Variants in WDR7 observed in about 807,000 individuals in gnomAD.
WDR7 encodes WD repeat-containing protein 7.
A neutral mutation model predicts 169.4 loss-of-function variants in WDR7; 46 were observed. The ratio of observed to expected loss-of-function variants is 0.27; its 90% CI spans 0.21 to 0.35. The LOEUF (loss-of-function observed/expected upper bound fraction) is 0.35. WDR7 is among the 10% of genes least tolerant of loss of function. The pLI is 1.00. For synonymous variants in WDR7, 612 were observed against 666.8 expected (o/e 0.92, Z 1.27); for missense variants, 1,534 against 1,859.3 (o/e 0.83, Z 3.22).
intron 20 of WDR7, 67 bp downstream of exon 20, chr18:56,816,211 A>G (rs946233975): frequency 7.2e-7 from 1 of 1,381,842 alleles, no homozygotes; most frequent in Non-Finnish European, 9.9e-7. Context: ...TTTCTAGGTT[A>G]TTTGTGGTGG....
At chr18:56,785,006 G>A (rs957909052) in intron 19 of WDR7, among the ~76,000 whole-genome samples, 3 of 151,336 alleles carry the variant, frequency 2.0e-5, no homozygotes, top group African/African-American at 7.3e-5. Flanking sequence ...AATCTTTTCT[G>A]GAACTTCTAC....
intron 25 of WDR7, among the ~76,000 whole-genome samples, chr18:56,952,630 G>C (rs1185966086): frequency 1.3e-5 from 2 of 152,126 alleles, no homozygotes; most frequent in African/African-American, 4.8e-5. Flanking sequence ...TTCCTATTTT[G>C]TTTAATGCTA....
At chr18:56,879,123 C>G (rs2046069348) in intron 20 of WDR7, among the ~76,000 whole-genome samples, 1 of 152,130 alleles carries the variant, frequency 6.6e-6, no homozygotes, top group South Asian at 2.1e-4. Context: ...TGTGTCATTT[C>G]TGTTTGGGAG....
chr18:56,682,981 A>G (rs902533782), intron 5 of WDR7, 128 bp downstream of exon 5: 10 of 995,858 alleles, frequency 1.0e-5, no homozygotes, highest in Admixed American at 2.6e-5. Flanking sequence ...TAACTACACC[A>G]ATAATTTATG....
In WDR7 at chr18:56,933,683, C is replaced by T. The variant is rs116315628; in HGVS notation, c.3714-2105C>T. Among the ~76,000 whole-genome samples the T allele has an allele frequency of 8.2e-3, 1,254 of 152,344 alleles. 18 individuals are homozygous for T. The highest frequency in any genetic ancestry group is 0.029 in the African/African-American group (1,195 of 41,580). On this transcript the variant is annotated intron_variant, in intron 22 of 27. Transcript: ENST00000254442. ...CCACAGTATGGTCACTCCTCTCCCC[C>T]GTGTATTGTCTCCAAAGGTTAGCTG...
intron 12 of WDR7, among the ~76,000 whole-genome samples, chr18:56,705,694 A>T (rs1295102341): frequency 6.6e-6 from 1 of 152,130 alleles, no homozygotes; most frequent in African/African-American, 2.4e-5. Context: ...GGACATACAT[A>T]CATTACTTTG....
At chr18:56,666,703 T>C (rs1167653047) in intron 1 of WDR7, among the ~76,000 whole-genome samples, 1 of 152,188 alleles carries the variant, frequency 6.6e-6, no homozygotes, top group Non-Finnish European at 1.5e-5. Flanking sequence ...TTGTGGTAAA[T>C]GAAGACAATA....
intron 19 of WDR7, among the ~76,000 whole-genome samples, chr18:56,815,547 A>G (rs184513314): frequency 7.9e-5 from 12 of 152,288 alleles, no homozygotes; most frequent in Non-Finnish European, 1.5e-4. Context: ...GGGAGATGTT[A>G]TACTTTTTTT....
intron 21 of WDR7, among the ~76,000 whole-genome samples, chr18:56,906,777 G>A (rs2046483503): frequency 6.6e-6 from 1 of 152,040 alleles, no homozygotes; most frequent in Non-Finnish European, 1.5e-5. Context: ...CCTGACCTCA[G>A]GTGATCCACC....
At chr18:56,807,704 TG>T (rs1254345937) in intron 19 of WDR7, among the ~76,000 whole-genome samples, 2 of 151,884 alleles carry the variant, frequency 1.3e-5, no homozygotes, top group Non-Finnish European at 2.9e-5. Flanking sequence ...TAGGAAAAAA[TG>T]TATTTCATTT....
intron 1 of WDR7, among the ~76,000 whole-genome samples, chr18:56,657,911 G>A (rs560447762): frequency 2.0e-5 from 3 of 151,372 alleles, no homozygotes; most frequent in East Asian, 3.9e-4. Context: ...CTATGTTGGT[G>A]ACGTTTAATG....
chr18:56,870,780 C>G (rs1388739687), intron 20 of WDR7, among the ~76,000 whole-genome samples: 3 of 152,106 alleles, frequency 2.0e-5, no homozygotes, highest in South Asian at 4.1e-4. Context: ...AGCCACCATG[C>G]CCAGCCTCAA....
At chr18:56,748,358 CTT>C (rs763608228) in intron 14 of WDR7, among the ~76,000 whole-genome samples, 56 of 152,228 alleles carry the variant, frequency 3.7e-4, no homozygotes, top group Non-Finnish European at 6.8e-4. Flanking sequence ...AAATCAATCT[CTT>C]TTGTGCTGCT....
chr18:56,821,690 G>A (rs1251417388), intron 20 of WDR7, among the ~76,000 whole-genome samples: 1 of 150,234 alleles, frequency 6.7e-6, no homozygotes, highest in Non-Finnish European at 1.5e-5. Flanking sequence ...GCCTAGGCTG[G>A]TCTCAAACTC....
chr18:57,026,772 T>G (rs1657398), intron 27 of WDR7, among the ~76,000 whole-genome samples: 133,912 of 152,212 alleles, frequency 0.88, 58,975 homozygotes, highest in East Asian at 0.99. Flanking sequence ...GGACTCTCCT[T>G]TTGTCAGGTT....
chr18:56,701,627 A>G (rs897995610), intron 12 of WDR7, among the ~76,000 whole-genome samples: 1 of 152,196 alleles, frequency 6.6e-6, no homozygotes, highest in Non-Finnish European at 1.5e-5. Context: ...CACTTCAAAT[A>G]TTAGATATAG....
chr18:56,810,558 TA>T (rs1205438084), intron 19 of WDR7, among the ~76,000 whole-genome samples: 1 of 152,192 alleles, frequency 6.6e-6, no homozygotes, highest in East Asian at 1.9e-4. Context: ...GAATATAGTT[TA>T]ATTTTTAAAA....
chr18:56,999,458 C>T (rs889093512), intron 26 of WDR7, among the ~76,000 whole-genome samples: 2 of 152,060 alleles, frequency 1.3e-5, no homozygotes. Context: ...CCATAGAACT[C>T]TTTTAAACCA....
chr18:56,955,018 G>T (rs2047232546), intron 25 of WDR7, among the ~76,000 whole-genome samples: 1 of 152,082 alleles, frequency 6.6e-6, no homozygotes, highest in South Asian at 2.1e-4. Flanking sequence ...AATGAACACT[G>T]TCTACTTTAG....
Sources: allele counts gnomAD v4.1 joint callset (sites outside exome capture counted in the v4.1 genomes callset), GRCh38; gene constraint gnomAD v4.1.1; transcripts MANE v1.5; gene names NCBI Gene and HGNC (gene_info 2026-07-23, HGNC 2026-07-21).